COL5A2: variants seen among roughly 807,000 people sequenced by gnomAD.
The protein encoded by COL5A2 is collagen alpha-2(V) chain.
A neutral mutation model predicts 208.2 loss-of-function variants in COL5A2; 23 were observed. The observed-to-expected ratio is 0.11, with a 90% CI of 0.08 to 0.16. The LOEUF (loss-of-function observed/expected upper bound fraction) is 0.16. COL5A2 is among the 10% of genes least tolerant of loss of function. The pLI, the probability that COL5A2 is intolerant of heterozygous loss-of-function variation, is 1.00. For synonymous variants in COL5A2, 625 were observed against 628.5 expected (o/e 0.99, Z 0.08); for missense variants, 1,590 against 1,956.4 (o/e 0.81, Z 3.53).
At chr2:189,320,537 G>A in the COL5A2 span, among the ~76,000 whole-genome samples, 7 of 152,256 alleles carry the variant, frequency 4.6e-5, no homozygotes, top group South Asian at 2.1e-4. Context: ...TTCAGTAGCC[G>A]ACTCGATCAA....
the COL5A2 span, among the ~76,000 whole-genome samples, chr2:189,334,865 C>T: frequency 6.6e-6 from 1 of 151,892 alleles, no homozygotes; most frequent in South Asian, 2.1e-4. Context: ...GTGATGTTGA[C>T]ATAACAATAT....
the COL5A2 span, among the ~76,000 whole-genome samples, chr2:189,313,374 T>C: frequency 1.3e-5 from 2 of 152,128 alleles, no homozygotes; most frequent in African/African-American, 4.8e-5. Flanking sequence ...ATAAGATCCT[T>C]TTCAGACAAG....
chr2:189,322,146 C>T, the COL5A2 span, among the ~76,000 whole-genome samples: 1 of 152,180 alleles, frequency 6.6e-6, no homozygotes, highest in South Asian at 2.1e-4. Context: ...AAAGACACAA[C>T]ATACCAGAAT....
At chr2:189,108,080 T>C (rs1475245311) in intron 2 of COL5A2, among the ~76,000 whole-genome samples, 1 of 151,740 alleles carries the variant, frequency 6.6e-6, no homozygotes, top group African/African-American at 2.4e-5. Context: ...CTCACTCTAG[T>C]TCATACTTTC....
chr2:189,228,310 TAGAG>T (rs981394918), upstream of COL5A2, among the ~76,000 whole-genome samples: 11 of 150,768 alleles, frequency 7.3e-5, no homozygotes, highest in South Asian at 2.1e-4. Flanking sequence ...TAATAAAACT[TAGAG>T]AGGAAATAAA....
intron 6 of COL5A2, chr2:189,095,074 T>C (rs1328864397): frequency 6.6e-6 from 1 of 150,964 alleles, no homozygotes; most frequent in Non-Finnish European, 1.5e-5. Context: ...TGGCCTAACA[T>C]ATCAATAGTG....
intron 1 of COL5A2, among the ~76,000 whole-genome samples, chr2:189,221,772 A>G (rs1689350113): frequency 6.6e-6 from 1 of 152,146 alleles, no homozygotes; most frequent in African/African-American, 2.4e-5. Flanking sequence ...CATATTTTTC[A>G]TATACTTCTG....
the COL5A2 span, among the ~76,000 whole-genome samples, chr2:189,352,594 T>C: frequency 3.9e-5 from 6 of 152,342 alleles, no homozygotes; most frequent in African/African-American, 1.2e-4. Context: ...CATAAATGTC[T>C]TCTTTTGAGA....
the COL5A2 span, among the ~76,000 whole-genome samples, chr2:189,295,823 G>C: frequency 6.6e-6 from 1 of 152,130 alleles, no homozygotes; most frequent in African/African-American, 2.4e-5. Flanking sequence ...GAGTAAAATT[G>C]ATAGATGAAA....
the COL5A2 span, among the ~76,000 whole-genome samples, chr2:189,438,893 T>C: frequency 6.6e-6 from 1 of 152,220 alleles, no homozygotes; most frequent in South Asian, 2.1e-4. Flanking sequence ...TACAATGATC[T>C]AGGAGACCCT....
the COL5A2 span, among the ~76,000 whole-genome samples, chr2:189,435,953 A>C: frequency 6.6e-6 from 1 of 152,144 alleles, no homozygotes; most frequent in African/African-American, 2.4e-5. Context: ...GATAGACTGG[A>C]TAAGAAAATG....
At chr2:189,324,064 A>G in the COL5A2 span, among the ~76,000 whole-genome samples, 11,524 of 152,270 alleles carry the variant, frequency 0.076, 725 homozygotes, top group African/African-American at 0.17. Context: ...AAAAACAAGA[A>G]ATGGGCAAAG....
the COL5A2 span, among the ~76,000 whole-genome samples, chr2:189,257,452 A>C: frequency 1.3e-5 from 2 of 152,226 alleles, no homozygotes. Flanking sequence ...CAATATATGG[A>C]AAAACATACT....
At chr2:189,114,573 C>T (rs545338521) in intron 1 of COL5A2, among the ~76,000 whole-genome samples, 1 of 150,184 alleles carries the variant, frequency 6.7e-6, no homozygotes, top group East Asian at 2.0e-4. Flanking sequence ...ATTTCTCTAT[C>T]CAAATCATAA....
the COL5A2 span, among the ~76,000 whole-genome samples, chr2:189,253,118 A>G: frequency 6.6e-6 from 1 of 152,214 alleles, no homozygotes; most frequent in Non-Finnish European, 1.5e-5. Context: ...GAATATTGCC[A>G]TAATGATGAG....
the COL5A2 span, among the ~76,000 whole-genome samples, chr2:189,295,374 T>C: frequency 3.9e-5 from 6 of 151,942 alleles, no homozygotes; most frequent in East Asian, 7.8e-4. Context: ...GAGGCCAAGG[T>C]TGGGGGGTGG....
chr2:189,373,168 T>C, the COL5A2 span, among the ~76,000 whole-genome samples: 2 of 152,284 alleles, frequency 1.3e-5, no homozygotes, highest in South Asian at 4.1e-4. Flanking sequence ...GATGCCTTTT[T>C]TCTGTTCAAG....
chr2:189,412,469 C>T, the COL5A2 span, among the ~76,000 whole-genome samples: 1 of 152,132 alleles, frequency 6.6e-6, no homozygotes, highest in East Asian at 1.9e-4. Context: ...TTTTGATTCA[C>T]TAACAGAATA....
At chr2:189,215,050 C>T (rs961038187) in intron 1 of COL5A2, among the ~76,000 whole-genome samples, 9 of 152,076 alleles carry the variant, frequency 5.9e-5, no homozygotes, top group Non-Finnish European at 1.3e-4. Context: ...CTTATTGACA[C>T]GCAGGTCAAT....
Sources: gnomAD v4.1 joint callset for allele counts (sites outside exome capture counted in the v4.1 genomes callset) on GRCh38, gnomAD v4.1.1 for gene constraint, MANE v1.5 for transcripts, NCBI Gene and HGNC (gene_info 2026-07-23, HGNC 2026-07-21) for gene names.